Variants in SKAP1 observed in about 807,000 individuals in gnomAD.
SKAP1 encodes the protein src kinase associated phosphoprotein 1, also known as src kinase-associated phosphoprotein 1.
In SKAP1, 44 loss-of-function variants were observed where a neutral mutation model predicts 58.5. That is an observed-to-expected ratio of 0.75 (90% confidence interval 0.59 to 0.97). The LOEUF is 0.97. Ranked by LOEUF, SKAP1 falls within the 50% of genes least tolerant of loss-of-function variation. The pLI is 0.00. For synonymous variants in SKAP1, 127 were observed against 149.7 expected, an observed-to-expected ratio of 0.85 and a Z score of 1.11; for missense variants, 390 against 435.2, an observed-to-expected ratio of 0.90 and a Z score of 0.92.
chr17:48,194,173 C>T (rs770550934), intron 4 of SKAP1, among the ~76,000 whole-genome samples: 5 of 152,118 alleles, frequency 3.3e-5, no homozygotes, highest in African/African-American at 4.8e-5. Context: ...GGATATGGGG[C>T]CACAAAGATA....
At chr17:48,326,369 T>C (rs773469214) in intron 4 of SKAP1, among the ~76,000 whole-genome samples, 1 of 152,170 alleles carries the variant, frequency 6.6e-6, no homozygotes, top group African/African-American at 2.4e-5. Context: ...ATAGAGATGA[T>C]AAAAACAAAA....
upstream of SKAP1, among the ~76,000 whole-genome samples, chr17:48,433,857 C>T (rs1334401054): frequency 6.6e-6 from 1 of 152,146 alleles, no homozygotes; most frequent in Non-Finnish European, 1.5e-5. Flanking sequence ...TGTTCTCATG[C>T]CAGGTGGGCA....
At chr17:48,383,880 C>T (rs908170930) in intron 2 of SKAP1, among the ~76,000 whole-genome samples, 9 of 151,900 alleles carry the variant, frequency 5.9e-5, no homozygotes, top group Non-Finnish European at 1.2e-4. Flanking sequence ...TCATCATGCC[C>T]GGCTAATTTT....
chr17:48,429,345 A>G (rs528478362), intron 1 of SKAP1, among the ~76,000 whole-genome samples: 7 of 152,332 alleles, frequency 4.6e-5, no homozygotes, highest in Admixed American at 4.6e-4. Flanking sequence ...GAGTGTTGGC[A>G]GTGTGTGTTG....
chr17:48,414,242 G>A (rs929341624), intron 1 of SKAP1, among the ~76,000 whole-genome samples: 4 of 152,092 alleles, frequency 2.6e-5, no homozygotes, highest in Admixed American at 1.3e-4. Flanking sequence ...GGTAAATCAC[G>A]GAAGGCCTCT....
chr17:48,375,260 T>C (rs2067137613), intron 2 of SKAP1, among the ~76,000 whole-genome samples: 2 of 152,098 alleles, frequency 1.3e-5, no homozygotes, highest in African/African-American at 4.8e-5. Context: ...ATGATCACAA[T>C]CAAACTTATA....
chr17:48,396,634 G>T, intron 2 of SKAP1, 46 bp downstream of exon 2: 1 of 1,216,084 alleles, frequency 8.2e-7, no homozygotes, highest in Non-Finnish European at 1.2e-6. Context: ...ATTATAAATT[G>T]TTTTAAAGCT....
chr17:48,202,617 T>C (rs1017763719), intron 4 of SKAP1, among the ~76,000 whole-genome samples: 9 of 152,188 alleles, frequency 5.9e-5, no homozygotes, highest in Admixed American at 2.0e-4. Context: ...GAAGTCAAAC[T>C]TTGCAAGGAA....
chr17:48,198,592 C>T (rs555516524), intron 4 of SKAP1, among the ~76,000 whole-genome samples: 2 of 151,842 alleles, frequency 1.3e-5, no homozygotes, highest in East Asian at 3.9e-4. Flanking sequence ...ATGCTACAGC[C>T]TATAGTGATG....
At chr17:48,361,839 C>G (rs1016161133) in intron 3 of SKAP1, among the ~76,000 whole-genome samples, 1 of 152,154 alleles carries the variant, frequency 6.6e-6, no homozygotes, top group East Asian at 1.9e-4. Context: ...CTAATCTTTT[C>G]ATAATCTTAA....
chr17:48,288,847 G>C (rs1015816406), intron 4 of SKAP1, among the ~76,000 whole-genome samples: 2 of 152,096 alleles, frequency 1.3e-5, no homozygotes, highest in Non-Finnish European at 2.9e-5. Flanking sequence ...ATACAAGAAT[G>C]ATATATACAT....
At chr17:48,303,878 G>C (rs2066097977) in intron 4 of SKAP1, among the ~76,000 whole-genome samples, 1 of 152,144 alleles carries the variant, frequency 6.6e-6, no homozygotes, top group Non-Finnish European at 1.5e-5. Flanking sequence ...CAGGTCACTA[G>C]ACTATTCAGG....
chr17:48,206,561 T>G (rs2064813282), intron 4 of SKAP1, among the ~76,000 whole-genome samples: 1 of 152,174 alleles, frequency 6.6e-6, no homozygotes, highest in African/African-American at 2.4e-5. Flanking sequence ...CTAAAAATTA[T>G]GATATAACCA....
intron 4 of SKAP1, among the ~76,000 whole-genome samples, chr17:48,282,185 AT>A (rs1480097754): frequency 2.0e-5 from 3 of 152,212 alleles, no homozygotes; most frequent in Non-Finnish European, 4.4e-5. Context: ...AGATTAAGAA[AT>A]TATAAAAAGT....
At chr17:48,386,306 C>CTTTT (rs201047932) in intron 2 of SKAP1, among the ~76,000 whole-genome samples, 8 of 127,330 alleles carry the variant, frequency 6.3e-5, no homozygotes, top group Non-Finnish European at 8.2e-5. Flanking sequence ...CATGCTAGAC[C>CTTTT]TTTTTTTTTT....
At chr17:48,238,740 G>A (rs914623973) in intron 4 of SKAP1, among the ~76,000 whole-genome samples, 1 of 152,176 alleles carries the variant, frequency 6.6e-6, no homozygotes, top group African/African-American at 2.4e-5. Context: ...ATTGTAATAA[G>A]TGCACAAAAT....
At chr17:48,386,750 C>A (rs1040222804) in intron 2 of SKAP1, among the ~76,000 whole-genome samples, 1 of 152,160 alleles carries the variant, frequency 6.6e-6, no homozygotes, top group African/African-American at 2.4e-5. Context: ...GGAAGGGAAG[C>A]TAGAAAACCT....
At chr17:48,225,021 T>C (rs1216335069) in intron 4 of SKAP1, among the ~76,000 whole-genome samples, 3 of 152,180 alleles carry the variant, frequency 2.0e-5, no homozygotes, top group East Asian at 1.9e-4. Flanking sequence ...CAAATAACTA[T>C]AGGGGGCAGA....
chr17:48,234,150 G>A (rs2099740289), intron 4 of SKAP1, among the ~76,000 whole-genome samples: 1 of 152,090 alleles, frequency 6.6e-6, no homozygotes. Context: ...TTTATATTCA[G>A]ATATGAGGAT....
Sources: allele counts gnomAD v4.1 joint callset (sites outside exome capture counted in the v4.1 genomes callset), GRCh38; gene constraint gnomAD v4.1.1; transcripts MANE v1.5; gene names NCBI Gene and HGNC (gene_info 2026-07-23, HGNC 2026-07-21).